The following BCL2L12 variants were observed in gnomAD, a reference collection of about 807,000 sequenced individuals.
BCL2L12 encodes the protein bcl-2-like protein 12.
Under a neutral mutation model 25.7 loss-of-function variants are expected in BCL2L12, and 27 were observed. That is an observed-to-expected ratio of 1.05 (90% confidence interval 0.78 to 1.45). BCL2L12 has a LOEUF of 1.45. BCL2L12 is among the 40% of genes most tolerant of loss of function. The pLI is 0.00. For synonymous variants in BCL2L12, 132 were observed against 145.6 expected, an observed-to-expected ratio of 0.91 and a Z score of 0.67; for missense variants, 302 against 329.8, an observed-to-expected ratio of 0.92 and a Z score of 0.65.
At chr19:49,671,223 G>A (rs2081955867) in intron 6 of BCL2L12, among the ~76,000 whole-genome samples, 1 of 151,884 alleles carries the variant, frequency 6.6e-6, no homozygotes, top group East Asian at 1.9e-4. Flanking sequence ...AGCACTTTGG[G>A]AGACTGAGGT....
intron 5 of BCL2L12, 32 bp downstream of exon 5, chr19:49,669,147 G>A (rs987829719): frequency 1.2e-6 from 2 of 1,609,422 alleles, no homozygotes; most frequent in Admixed American, 1.7e-5. Context: ...CCTTGGCAAG[G>A]ACAGGAGTTG....
Position 49,670,440 on chromosome 19 carries a change from G to A in BCL2L12, c.654G>A (p.Val218=). The A allele has an allele frequency of 6.5e-7, 1 of 1,539,094 alleles. No homozygotes were observed. Among genetic ancestry groups the A allele is most frequent in the South Asian group, 1.2e-5 (1 of 82,950 alleles). ...GLGGTLAGLS[V]EHVHSFTPWI... ...GGGGCACCCTGGCCGGACTCAGCGT[G>A]GAGCACGTGCACAGCTTCACGCCCT... The change falls in exon 6 of 7, where the codon GTG becomes GTA. Residue 218 remains valine (V), a synonymous_variant. Coordinates refer to ENST00000246784, the MANE Select transcript of BCL2L12 (RefSeq NM_138639.2).
In BCL2L12 at chr19:49,673,529, T is replaced by A. The variant is rs1045567; in HGVS notation, c.703-169T>A. Reference sequence around the variant, plus strand: ...CTCCTGCTAGGACCCTGCCCCCTCATCCCTGTGCCCTTCTGTCTGGGTCTC... The same window carrying A: ...CTCCTGCTAGGACCCTGCCCCCTCAACCCTGTGCCCTTCTGTCTGGGTCTC... On this transcript the variant is annotated intron_variant, in intron 6 of 6. Coordinates refer to ENST00000246784, the MANE Select transcript of BCL2L12 (RefSeq NM_138639.2). Among the ~76,000 whole-genome samples the A allele has an allele frequency of 1.7e-3, 257 of 151,956 alleles. 2 individuals carry two copies. Among genetic ancestry groups the A allele is most frequent in the African/African-American group, 5.9e-3 (245 of 41,400 alleles).
Position 49,672,693 on chromosome 19 carries a change from G to T in BCL2L12, c.703-1005G>T, listed in dbSNP as rs2081984882. ...GACAGACTAAAGGATGCTGGCCCGAGCAGCTGCAGGGCGACATCTTAAGTT... is the reference window on the plus strand; with the variant it reads ...GACAGACTAAAGGATGCTGGCCCGATCAGCTGCAGGGCGACATCTTAAGTT... On this transcript the variant is annotated intron_variant, in intron 6 of 6. Transcript: ENST00000246784. The surrounding 1 kb of genome is among the most constrained non-coding windows in gnomAD (Gnocchi z 4.1). Among the ~76,000 whole-genome samples the T allele has an allele frequency of 6.6e-6, 1 of 151,808 alleles. No homozygotes were observed. Among genetic ancestry groups the T allele is most frequent in the Admixed American group, 6.6e-5 (1 of 15,250 alleles).
At position 49,666,004 on chromosome 19, in the gene BCL2L12, G is replaced by A. The variant is rs761045724; in HGVS notation, c.-72G>A. On this transcript the variant is annotated 5_prime_UTR_variant, in exon 1 of 7. Coordinates refer to ENST00000246784, the MANE Select transcript of BCL2L12 (RefSeq NM_138639.2). ...CGGGAAAGTTGAACTAATAAAGTTT[G>A]TACGAGTTCAGTGGAGGAGACCGCA... The A allele has an allele frequency of 1.8e-5, 29 of 1,597,582 alleles. No homozygotes were observed. In the South Asian group the frequency reaches 3.1e-4, roughly 17 times the overall value.
chr19:49,666,599 T>C, intron 1 of BCL2L12, 86 bp from the exon 2 acceptor site: 1 of 1,048,608 alleles, frequency 9.5e-7, no homozygotes, highest in South Asian at 1.6e-5. Flanking sequence ...CCTCAGCACC[T>C]TCCTTGGGAC....
intron 6 of BCL2L12, among the ~76,000 whole-genome samples, chr19:49,671,128 C>T (rs1288503986): frequency 6.6e-6 from 1 of 151,770 alleles, no homozygotes. Context: ...TGCCACTGCA[C>T]TCCAGCCTGG....
upstream of BCL2L12, chr19:49,665,366 C>G (rs2081635570): frequency 5.8e-6 from 1 of 173,544 alleles, no homozygotes; most frequent in African/African-American, 2.4e-5. Context: ...CCCCAGGTTT[C>G]GAGACTGAAC....
At chr19:49,666,916 G>A (rs1046190767) in intron 2 of BCL2L12, 103 bp from the exon 3 acceptor site, 2 of 1,532,510 alleles carry the variant, frequency 1.3e-6, no homozygotes, top group African/African-American at 1.4e-5. Context: ...CTGTCTTTGG[G>A]GTTTTGGAGA....
At chr19:49,665,886 A>T, upstream of BCL2L12, 2 of 1,612,612 alleles carry the variant, frequency 1.2e-6, no homozygotes, top group Non-Finnish European at 1.7e-6. Context: ...GGCCAGAGGC[A>T]TGCTGGGAGC....
chr19:49,665,184 G>A (rs2081614952), upstream of BCL2L12: 1 of 276,542 alleles, frequency 3.6e-6, no homozygotes. Flanking sequence ...TCTTTCCCTA[G>A]TTATTTCAGT....
At chr19:49,665,658 C>G (rs1245357007), upstream of BCL2L12, 2 of 879,418 alleles carry the variant, frequency 2.3e-6, no homozygotes, top group East Asian at 5.1e-5. Context: ...GGCGTGCGGG[C>G]AGCTGGAACC....
Position 49,669,304 on chromosome 19 carries a change from G to A in BCL2L12, c.429+189G>A, listed in dbSNP as rs185137195. The A allele has an allele frequency of 3.8e-5, 44 of 1,170,410 alleles. No individual in the cohort carries two copies. In the East Asian group the frequency reaches 1.1e-3, roughly 29 times the overall value. The allele number at this position is 1,170,410 out of a possible 1,614,324, so 72.5% of individuals were successfully genotyped here. A position where few individuals can be genotyped will look rare whatever the true frequency, so the allele number is the denominator to read the frequency against. On this transcript the variant is annotated intron_variant, in intron 5 of 6. Coordinates refer to ENST00000246784, the MANE Select transcript of BCL2L12 (RefSeq NM_138639.2). ...TAATCCCAGCACTTTGGGAGGCCGA[G>A]TTGGGTGGATGACTTGAGGTCAGGA...
chr19:49,670,173 C>T, intron 5 of BCL2L12, 43 bp from the exon 6 acceptor site: 2 of 1,582,994 alleles, frequency 1.3e-6, no homozygotes, highest in South Asian at 2.2e-5. Context: ...TGGCTGGCCC[C>T]GGGGGCGCTG....
Position 49,669,110 on chromosome 19 carries a change from C to A in BCL2L12, c.424C>A (p.Gln142Lys). 6.2e-7 allele frequency: 1 copy of A among 1,613,838 alleles called. No individual in the cohort carries two copies. Among genetic ancestry groups the A allele is most frequent in the Non-Finnish European group, 8.5e-7 (1 of 1,179,914 alleles). The change falls in exon 5 of 7, where the codon CAG (glutamine) becomes AAG (lysine). Residue 142 changes from glutamine to lysine, a missense_variant. Gln to Lys is a moderately conservative substitution (Grantham distance 53, BLOSUM62 1). Transcript: ENST00000246784. ...LLEEEAEVIN[Q>K]KLASDPALRS... ...GGAGGAGGAGGCAGAAGTCATTAACCAGAAGGTGATGGGCATCTGTCCCAC... is the reference window on the plus strand; with the variant it reads ...GGAGGAGGAGGCAGAAGTCATTAACAAGAAGGTGATGGGCATCTGTCCCAC...
Position 49,672,369 on chromosome 19 carries a change from C to T in BCL2L12, c.703-1329C>T, listed in dbSNP as rs975008495. Reference sequence around the variant, plus strand: ...GTAGGGCTACAGTAGGGTGAGCGGGCGACAGATGAGAGGAGGAGAGGCGCC... The same window carrying T: ...GTAGGGCTACAGTAGGGTGAGCGGGTGACAGATGAGAGGAGGAGAGGCGCC... On this transcript the variant is annotated intron_variant, in intron 6 of 6. Transcript: ENST00000246784. This position sits in a 1 kb window ranked among gnomAD's most constrained non-coding sequence, Gnocchi z 4.1. 3.3e-5 allele frequency among the ~76,000 whole-genome samples: 5 copies of T among 152,068 alleles called. No individual in the cohort carries two copies. Among genetic ancestry groups the T allele is most frequent in the African/African-American group, 1.2e-4 (5 of 41,400 alleles).
chr19:49,669,862 T>C (rs190723935), intron 5 of BCL2L12, among the ~76,000 whole-genome samples: 43 of 152,188 alleles, frequency 2.8e-4, no homozygotes, highest in Middle Eastern at 6.9e-3. Context: ...AGGTACATCG[T>C]CCTTTAATAT....
At chr19:49,665,527 C>G, upstream of BCL2L12, 1 of 324,410 alleles carries the variant, frequency 3.1e-6, no homozygotes. Context: ...TCCACTTTCC[C>G]CAGAGTACAC....
rs1469976724 is a variant in BCL2L12 at position 49,666,013 on chromosome 19, C to G, written c.-63C>G. 1.3e-6 allele frequency: 2 copies of G among 1,587,736 alleles called. No individual in the cohort carries two copies. Among genetic ancestry groups the G allele is most frequent in the Non-Finnish European group, 1.7e-6 (2 of 1,165,484 alleles). The stretch of plus-strand genomic sequence containing the variant: ...TGAACTAATAAAGTTTGTACGAGTT[C>G]AGTGGAGGAGACCGCAAGTTGAGTG... On this transcript the variant is annotated 5_prime_UTR_variant, in exon 1 of 7. Transcript: ENST00000246784.
Sources: allele counts gnomAD v4.1 joint callset (sites outside exome capture counted in the v4.1 genomes callset), GRCh38; gene constraint gnomAD v4.1.1; non-coding constraint Gnocchi (gnomAD v3.1); transcripts MANE v1.5; gene names NCBI Gene and HGNC (gene_info 2026-07-23, HGNC 2026-07-21).